Variants in SIAH3 observed in about 807,000 individuals in gnomAD.
SIAH3 encodes the protein siah E3 ubiquitin protein ligase family member 3, also known as seven in absentia homolog 3.
In SIAH3, 9 loss-of-function variants were observed where a neutral mutation model predicts 12.6. The ratio of observed to expected loss-of-function variants is 0.72; its 90% CI spans 0.43 to 1.25. The LOEUF (loss-of-function observed/expected upper bound fraction) is 1.25. Among genes scored for constraint, SIAH3 ranks in the 50% most tolerant of loss-of-function variants. The pLI is 0.00. For synonymous variants in SIAH3, 154 were observed against 151.1 expected, an observed-to-expected ratio of 1.02 and a Z score of -0.14; for missense variants, 390 against 365.4, an observed-to-expected ratio of 1.07 and a Z score of -0.55.
chr13:45,837,025 C>T (rs939358321), intron 1 of SIAH3, among the ~76,000 whole-genome samples: 2 of 152,160 alleles, frequency 1.3e-5, no homozygotes, highest in Admixed American at 1.3e-4. Flanking sequence ...TAGTGCCAGC[C>T]CCATGCCTCC....
chr13:45,837,096 C>A (rs1358372213), intron 1 of SIAH3, among the ~76,000 whole-genome samples: 1 of 152,192 alleles, frequency 6.6e-6, no homozygotes, highest in Admixed American at 6.5e-5. Flanking sequence ...CAGTGGCCTT[C>A]GTCTTCTCAG....
chr13:45,851,532 T>C lies in SIAH3; in HGVS notation c.98A>G (p.Gln33Arg), dbSNP rs756976068. ...TGTGGGGTTGACGACACAGACAAGT[T>C]GCCCGGCAGCGGAGAAAACCCGTTT... is the stretch of plus-strand genomic sequence containing the variant. ...KAKRVFSAAG[Q>R]LVCVVNPTHN... Residue 33 changes from glutamine (Q) to arginine (R), a missense_variant, in exon 1 of 2, where the codon CAA (glutamine) becomes CGA (arginine). By Grantham distance (43) the Gln-to-Arg change is conservative. Coordinates refer to ENST00000400405, the MANE Select transcript of SIAH3 (RefSeq NM_198849.3). 3 of 1,614,110 alleles carry C rather than the reference T, an allele frequency of 1.9e-6. No homozygotes were observed. Among genetic ancestry groups the C allele is most frequent in the East Asian group, 2.2e-5 (1 of 44,872 alleles).
chr13:45,846,084 CTTTTTTTTT>C (rs386379026), intron 1 of SIAH3, among the ~76,000 whole-genome samples: 3 of 85,704 alleles, frequency 3.5e-5, no homozygotes, highest in Admixed American at 1.7e-4. Context: ...GACCTAACTT[CTTTTTTTTT>C]TTTTTTTTTT....
intron 1 of SIAH3, among the ~76,000 whole-genome samples, chr13:45,796,125 G>T (rs1254627221): frequency 6.6e-6 from 1 of 152,118 alleles, no homozygotes; most frequent in African/African-American, 2.4e-5. Flanking sequence ...TATAACTCGT[G>T]GTCTGGATGG....
At chr13:45,795,857 A>G (rs574848581) in intron 1 of SIAH3, among the ~76,000 whole-genome samples, 47 of 152,362 alleles carry the variant, frequency 3.1e-4, no homozygotes, top group Admixed American at 1.2e-3. Flanking sequence ...GTAAATTGTG[A>G]TATATCTACA....
intron 1 of SIAH3, among the ~76,000 whole-genome samples, chr13:45,839,621 A>G (rs1175290819): frequency 6.6e-6 from 1 of 151,488 alleles, no homozygotes; most frequent in African/African-American, 2.4e-5. Flanking sequence ...TCACAAGGTC[A>G]GGAGATCAAG....
chr13:45,797,863 C>T (rs1950568460), intron 1 of SIAH3, among the ~76,000 whole-genome samples: 1 of 152,224 alleles, frequency 6.6e-6, no homozygotes, highest in African/African-American at 2.4e-5. Flanking sequence ...CCTCAGACAT[C>T]TCTTTCTAAC....
At chr13:45,816,700 T>C (rs371085790) in intron 1 of SIAH3, among the ~76,000 whole-genome samples, 5 of 152,230 alleles carry the variant, frequency 3.3e-5, no homozygotes, top group South Asian at 2.1e-4. Context: ...AGGGTTTCTC[T>C]TCACTCTGGG....
intron 1 of SIAH3, among the ~76,000 whole-genome samples, chr13:45,787,326 C>T (rs151005850): frequency 1.9e-3 from 294 of 152,200 alleles, no homozygotes; most frequent in African/African-American, 6.8e-3. Flanking sequence ...GTTCATTAAG[C>T]CATTCAGCAT....
Position 45,783,973 on chromosome 13 carries a change from G to C in SIAH3, c.220C>G (p.His74Asp). 1 of 1,605,202 alleles carries C rather than the reference G, an allele frequency of 6.2e-7. No individual in the cohort carries two copies. Reference protein sequence around the residue: ...HPHHLSHHHCHHRHHHHLRHH... With the variant: ...HPHHLSHHHCDHRHHHHLRHH... ...CGGAGGTGGTGGTGGTGGCGGTGGT[G>C]GCAGTGGTGGTGGGAGAGATGGTGA... Residue 74 changes from histidine (H) to aspartate (D), a missense_variant, in exon 2 of 2, where the codon CAC (histidine) becomes GAC (aspartate). His to Asp is a moderately conservative substitution (Grantham distance 81). Coordinates refer to ENST00000400405, the MANE Select transcript of SIAH3 (RefSeq NM_198849.3).
At chr13:45,784,192 CA>C (rs1950517710) in intron 1 of SIAH3, 135 bp from the exon 2 acceptor site, 3 of 740,266 alleles carry the variant, frequency 4.1e-6, no homozygotes, top group Admixed American at 2.7e-5. Context: ...AAACAACAAA[CA>C]AACAAACAAA....
At chr13:45,844,208 GA>G (rs1407586378) in intron 1 of SIAH3, among the ~76,000 whole-genome samples, 1 of 152,150 alleles carries the variant, frequency 6.6e-6, no homozygotes, top group African/African-American at 2.4e-5. Flanking sequence ...AAAATACCTG[GA>G]AATCTGGTAA....
intron 1 of SIAH3, among the ~76,000 whole-genome samples, chr13:45,827,727 C>A (rs12584369): frequency 0.12 from 17,696 of 152,244 alleles, 1,436 homozygotes; most frequent in East Asian, 0.41. Context: ...TCAGTAAAAG[C>A]AGTCACCAGG....
chr13:45,829,695 C>T (rs4942446), intron 1 of SIAH3, among the ~76,000 whole-genome samples: 51 of 152,296 alleles, frequency 3.3e-4, no homozygotes, highest in Admixed American at 3.3e-3. Flanking sequence ...CAGAGATAAC[C>T]CCTGTTCTGA....
At chr13:45,842,098 T>C (rs1216992475) in intron 1 of SIAH3, among the ~76,000 whole-genome samples, 1 of 152,216 alleles carries the variant, frequency 6.6e-6, no homozygotes, top group Non-Finnish European at 1.5e-5. Context: ...GCTCTCAGCT[T>C]AAACACTGTG....
chr13:45,824,889 CAAAA>C (rs147575546), intron 1 of SIAH3, among the ~76,000 whole-genome samples: 1 of 149,142 alleles, frequency 6.7e-6, no homozygotes, highest in Non-Finnish European at 1.5e-5. Flanking sequence ...AAAAAAAAAA[CAAAA>C]AAAACAAAAA....
intron 1 of SIAH3, among the ~76,000 whole-genome samples, chr13:45,817,666 T>C (rs1950639372): frequency 1.3e-5 from 2 of 152,266 alleles, no homozygotes; most frequent in Non-Finnish European, 2.9e-5. Context: ...CCTCGAAGAC[T>C]GGAGTGATGC....
intron 1 of SIAH3, among the ~76,000 whole-genome samples, chr13:45,792,360 A>ATTTT (rs35546034): frequency 1.2e-4 from 17 of 145,882 alleles, no homozygotes; most frequent in African/African-American, 3.3e-4. Context: ...GAAGGTATAA[A>ATTTT]TTTTTTTTTT....
intron 1 of SIAH3, among the ~76,000 whole-genome samples, chr13:45,831,039 C>T (rs1388115893): frequency 6.6e-6 from 1 of 151,802 alleles, no homozygotes; most frequent in African/African-American, 2.4e-5. Flanking sequence ...ATTGGCCAGG[C>T]ATGGTGGTGC....
Sources: allele counts gnomAD v4.1 joint callset (sites outside exome capture counted in the v4.1 genomes callset), GRCh38; gene constraint gnomAD v4.1.1; transcripts MANE v1.5; gene names NCBI Gene and HGNC (gene_info 2026-07-23, HGNC 2026-07-21).